Variants in ZFHX3 observed in about 807,000 individuals in gnomAD.
The protein encoded by ZFHX3 is zinc finger homeobox protein 3.
Under a neutral mutation model 279.1 loss-of-function variants are expected in ZFHX3, and 42 were observed. The ratio of observed to expected loss-of-function variants is 0.15; its 90% CI spans 0.12 to 0.19. The LOEUF is 0.19. Among genes scored for constraint, ZFHX3 ranks in the 10% least tolerant of loss-of-function variants. The pLI, the probability that ZFHX3 is intolerant of heterozygous loss-of-function variation, is 1.00. For synonymous variants in ZFHX3, 2,293 were observed against 1,957.8 expected, an observed-to-expected ratio of 1.17 and a Z score of -4.52; for missense variants, 4,981 against 4,754.0, an observed-to-expected ratio of 1.05 and a Z score of -1.40.
chr16:73,796,062 T>A (rs1263503257), intron 1 of ZFHX3, among the ~76,000 whole-genome samples: 1 of 152,242 alleles, frequency 6.6e-6, no homozygotes, highest in Non-Finnish European at 1.5e-5. Context: ...CTTGGGACAT[T>A]ATTTCCAGTA....
At chr16:73,555,082 T>C (rs1342762152) in intron 2 of ZFHX3, among the ~76,000 whole-genome samples, 4 of 152,166 alleles carry the variant, frequency 2.6e-5, no homozygotes, top group Non-Finnish European at 4.4e-5. Context: ...TTGGGAGAAT[T>C]TATGAAGGGA....
intron 1 of ZFHX3, among the ~76,000 whole-genome samples, chr16:73,016,805 C>G (rs1337998564): frequency 1.3e-5 from 2 of 152,020 alleles, no homozygotes; most frequent in Non-Finnish European, 2.9e-5. Context: ...CTGGTGACAG[C>G]AGAGTGGCTC....
chr16:73,699,332 G>T (rs1056436529), intron 1 of ZFHX3, among the ~76,000 whole-genome samples: 2 of 152,112 alleles, frequency 1.3e-5, no homozygotes, highest in Non-Finnish European at 2.9e-5. Flanking sequence ...GAAAAAAATA[G>T]ATATAAAATT....
chr16:73,814,017 G>C (rs976544430), intron 1 of ZFHX3, among the ~76,000 whole-genome samples: 4 of 152,176 alleles, frequency 2.6e-5, no homozygotes, highest in Non-Finnish European at 1.5e-5. Context: ...AAGTGAGTTT[G>C]CCTTCCCTAA....
intron 2 of ZFHX3, among the ~76,000 whole-genome samples, chr16:73,553,432 G>C (rs913242521): frequency 6.6e-6 from 1 of 152,070 alleles, no homozygotes; most frequent in Non-Finnish European, 1.5e-5. Flanking sequence ...TAGCCCCCAC[G>C]ACACCAATGT....
At chr16:73,376,695 C>T (rs184516929) in intron 3 of ZFHX3, among the ~76,000 whole-genome samples, 99 of 152,182 alleles carry the variant, frequency 6.5e-4, no homozygotes, top group Non-Finnish European at 1.2e-3. Flanking sequence ...GGTTGAGAGG[C>T]GGATGGAATG....
At chr16:73,648,008 A>T (rs1165586369) in intron 2 of ZFHX3, among the ~76,000 whole-genome samples, 2 of 152,230 alleles carry the variant, frequency 1.3e-5, no homozygotes, top group Admixed American at 1.3e-4. Context: ...ATAATATTAA[A>T]CGTCAAAAAG....
chr16:72,958,555 A>G lies in ZFHX3; in HGVS notation c.1591T>C (p.Ser531Pro). The change falls in exon 2 of 10, where the codon TCT becomes CCT. Residue 531 changes from serine to proline, a missense_variant. By Grantham distance (74) the Ser-to-Pro change is moderately conservative (BLOSUM62 -1). Coordinates refer to ENST00000268489, the MANE Select transcript of ZFHX3 (RefSeq NM_006885.4). Reference protein sequence around the residue: ...KDLALSNQSISNSPLMPNVLQ... With the variant: ...KDLALSNQSIPNSPLMPNVLQ... The stretch of plus-strand genomic sequence containing the variant: ...ACGTTAGGCATTAAGGGGGAGTTAG[A>G]AATGCTTTGGTTTGAGAGAGCAAGG... The G allele has an allele frequency of 6.2e-7, 1 of 1,614,096 alleles. No individual in the cohort carries two copies. Among genetic ancestry groups the G allele is most frequent in the Non-Finnish European group, 8.5e-7 (1 of 1,180,028 alleles).
chr16:73,680,495 G>C (rs2052998920), intron 1 of ZFHX3, among the ~76,000 whole-genome samples: 1 of 152,098 alleles, frequency 6.6e-6, no homozygotes, highest in Non-Finnish European at 1.5e-5. Context: ...CCAAGAAAGT[G>C]GTAGAAGATG....
intron 4 of ZFHX3, among the ~76,000 whole-genome samples, chr16:72,886,245 CTG>C (rs752047735): frequency 3.9e-5 from 6 of 152,124 alleles, no homozygotes; most frequent in Non-Finnish European, 8.8e-5. Context: ...GAACTGGAGC[CTG>C]TGTGTGGGAG....
At position 72,796,374 on chromosome 16, in the gene ZFHX3, T is replaced by G. The variant is rs138586244; in HGVS notation, c.6308A>C (p.Gln2103Pro). The G allele has an allele frequency of 6.2e-7, 1 of 1,613,642 alleles. No individual in the cohort carries two copies. Residue 2103 changes from glutamine to proline, a missense_variant, in exon 9 of 10, where the codon CAG becomes CCG. Physicochemically the swap from Gln to Pro is moderately conservative, Grantham distance 76 (BLOSUM62 -1). This residue lies in a region of ZFHX3 where 1,751 missense variants were observed against 1,770.0 expected (regional missense o/e 0.99). Coordinates refer to ENST00000268489, the MANE Select transcript of ZFHX3 (RefSeq NM_006885.4). ...CGGCAAGGTCTGCAGCGGCATCGTC[T>G]GCATCATCAGCGGCGAGAAGATGGG... is the stretch of plus-strand genomic sequence containing the variant. ...ELPIFSPLMMQTMPLQTLPAQ... is the reference protein window; with the variant it reads ...ELPIFSPLMMPTMPLQTLPAQ...
rs796778444 is a variant in ZFHX3, at chr16:73,587,180, C to G, written c.-1547+93000G>C. Among the ~76,000 whole-genome samples, 27 of 152,292 alleles carry G rather than the reference C, an allele frequency of 1.8e-4. 1 individual carries two copies. Among genetic ancestry groups the G allele is most frequent in the African/African-American group, 6.5e-4 (27 of 41,560 alleles). ...CTGTTTCGAAACATCAGTTCAGAAC[C>G]ATGATAGAAGCTATTTCACAAATTA... On this transcript the variant is annotated intron_variant, in intron 2 of 17. Coordinates refer to the ZFHX3 transcript ENST00000641206.
At chr16:73,885,571 C>T (rs1366128631) in intron 1 of ZFHX3, among the ~76,000 whole-genome samples, 1 of 152,086 alleles carries the variant, frequency 6.6e-6, no homozygotes, top group Non-Finnish European at 1.5e-5. Context: ...TTCCGTGGAT[C>T]AGCCTCCAGG....
chr16:73,730,352 C>CAAAA (rs66477968), intron 1 of ZFHX3, among the ~76,000 whole-genome samples: 56 of 81,126 alleles, frequency 6.9e-4, no homozygotes, highest in African/African-American at 1.4e-3. Context: ...CCTCCCCTCG[C>CAAAA]AAAAAAAAAA....
chr16:73,785,543 T>A (rs1472958311), intron 1 of ZFHX3, among the ~76,000 whole-genome samples: 2 of 152,204 alleles, frequency 1.3e-5, no homozygotes, highest in Non-Finnish European at 2.9e-5. Flanking sequence ...TCCATTTGCC[T>A]CCTTCTGGTG....
chr16:73,858,982 T>C (rs548092260), intron 1 of ZFHX3, among the ~76,000 whole-genome samples: 1 of 152,312 alleles, frequency 6.6e-6, no homozygotes, highest in African/African-American at 2.4e-5. Flanking sequence ...CAAGCCTAAT[T>C]TATCTATTGG....
At chr16:73,388,764 T>C (rs1156436807) in intron 3 of ZFHX3, 1 of 152,238 alleles carries the variant, frequency 6.6e-6, no homozygotes, top group Non-Finnish European at 1.5e-5. Context: ...CCAATCTGAG[T>C]AACTGTTTTC....
chr16:72,957,354 A>G (rs1198671261), intron 2 of ZFHX3, 73 bp downstream of exon 2: 1 of 1,509,850 alleles, frequency 6.6e-7, no homozygotes, highest in Non-Finnish European at 8.9e-7. Flanking sequence ...CCACAGGACT[A>G]TCTCACCCTA....
At chr16:73,225,801 T>C (rs1213263913) in intron 5 of ZFHX3, among the ~76,000 whole-genome samples, 1 of 152,078 alleles carries the variant, frequency 6.6e-6, no homozygotes, top group Non-Finnish European at 1.5e-5. Context: ...CACCTAACGT[T>C]GCATTGCTTG....
Sources: gnomAD v4.1 joint callset for allele counts (sites outside exome capture counted in the v4.1 genomes callset) on GRCh38, gnomAD v4.1.1 for gene constraint, gnomAD v4.1.1 regional missense constraint, MANE v1.5 for transcripts, NCBI Gene and HGNC (gene_info 2026-07-23, HGNC 2026-07-21) for gene names.